Variants in DDHD1 observed in about 807,000 individuals in gnomAD.
DDHD1 encodes phospholipase DDHD1.
A neutral mutation model predicts 96.4 loss-of-function variants in DDHD1; 49 were observed. The observed-to-expected ratio is 0.51, with a 90% CI of 0.40 to 0.64. The LOEUF is 0.64. DDHD1 is among the 30% of genes least tolerant of loss of function. The pLI is 0.00. For missense variants in DDHD1, 1,106 were observed against 1,161.2 expected (o/e 0.95, Z 0.69); for synonymous variants, 442 against 446.5 (o/e 0.99, Z 0.13).
At chr14:53,096,745 C>A (rs142050161) in intron 2 of DDHD1, among the ~76,000 whole-genome samples, 1 of 151,832 alleles carries the variant, frequency 6.6e-6, no homozygotes, top group East Asian at 1.9e-4. Flanking sequence ...AAAAAAAATT[C>A]TTTTCTCAAC....
At chr14:53,065,663 A>G (rs1883954775) in intron 6 of DDHD1, among the ~76,000 whole-genome samples, 1 of 152,228 alleles carries the variant, frequency 6.6e-6, no homozygotes, top group South Asian at 2.1e-4. Flanking sequence ...TCCCATGAGC[A>G]TGTAAGAATC....
At chr14:53,062,641 A>C (rs924382584) in intron 7 of DDHD1, among the ~76,000 whole-genome samples, 1 of 152,192 alleles carries the variant, frequency 6.6e-6, no homozygotes, top group Non-Finnish European at 1.5e-5. Flanking sequence ...CATTTTCAAT[A>C]AGGATTCTAT....
chr14:53,072,811 C>T, intron 5 of DDHD1, 108 bp from the exon 6 acceptor site: 1 of 548,260 alleles, frequency 1.8e-6, no homozygotes. Flanking sequence ...TTTAAGTTAA[C>T]ATTTAAATAT....
chr14:53,093,444 G>A lies in DDHD1; in HGVS notation c.1013C>T (p.Ala338Val), dbSNP rs767815843. 1.0e-5 allele frequency: 16 copies of A among 1,605,618 alleles called. No individual in the cohort carries two copies. The highest frequency in any genetic ancestry group is 3.4e-5 in the Admixed American group (2 of 58,302). The part of the protein sequence containing the change: ...EVSKSIDGKD[A>V]VHSFKLSRNH... ...TCGACTCAACTTGAAACTATGAACA[G>A]CTATTGCAAAAAGGAAAAGCTAATT... Residue 338 changes from alanine (A) to valine (V), a missense_variant and splice_region_variant, in exon 3 of 13, where the codon GCT becomes GTT. Ala to Val is a moderately conservative substitution (Grantham distance 64). Coordinates refer to ENST00000673822, the MANE Select transcript of DDHD1 (RefSeq NM_001160148.2).
At chr14:53,110,267 C>G (rs916995670) in intron 1 of DDHD1, among the ~76,000 whole-genome samples, 14 of 152,196 alleles carry the variant, frequency 9.2e-5, no homozygotes, top group Non-Finnish European at 2.1e-4. Flanking sequence ...TTTCAGAAGC[C>G]TCCTACGTAA....
chr14:53,139,927 A>G (rs1890528480), intron 1 of DDHD1, among the ~76,000 whole-genome samples: 1 of 151,886 alleles, frequency 6.6e-6, no homozygotes, highest in African/African-American at 2.4e-5. Flanking sequence ...AATAATTATG[A>G]TTAATATACT....
chr14:53,068,056 A>C (rs1884190061), intron 6 of DDHD1, among the ~76,000 whole-genome samples: 1 of 152,044 alleles, frequency 6.6e-6, no homozygotes, highest in Admixed American at 6.6e-5. Context: ...ATTTATTTTG[A>C]TATAATATTT....
At chr14:53,051,769 T>G in intron 12 of DDHD1, 75 bp downstream of exon 12, 1 of 1,245,128 alleles carries the variant, frequency 8.0e-7, no homozygotes, top group Non-Finnish European at 1.1e-6. Flanking sequence ...CTGATCCAAT[T>G]TTTCAATAAG....
chr14:53,105,781 AAT>A (rs1275086390), intron 1 of DDHD1, among the ~76,000 whole-genome samples: 2 of 152,190 alleles, frequency 1.3e-5, no homozygotes, highest in Non-Finnish European at 2.9e-5. Context: ...TATGTTTACT[AAT>A]ATGATTGACA....
chr14:53,117,929 G>A (rs889239504), intron 1 of DDHD1, among the ~76,000 whole-genome samples: 5 of 152,136 alleles, frequency 3.3e-5, no homozygotes, highest in African/African-American at 9.7e-5. Flanking sequence ...TCAAACAGGC[G>A]GGTGCCCCTC....
intron 1 of DDHD1, among the ~76,000 whole-genome samples, chr14:53,104,679 A>G (rs1887555844): frequency 6.6e-6 from 1 of 152,178 alleles, no homozygotes; most frequent in Non-Finnish European, 1.5e-5. Context: ...CTATTCCTAG[A>G]AACCCAAGAC....
rs142917505 is a variant in DDHD1, at chr14:53,067,658, C to T, written c.1504-4453G>A. Among the ~76,000 whole-genome samples the T allele has an allele frequency of 5.7e-4, 86 of 152,036 alleles. 5 individuals carry two copies. The East Asian group carries it at 0.016, about 28-fold the overall frequency. ...TTTTAGTAGAGACAGAGTTTCTCCA[C>T]GTTGGTTAGGCTGCTCTCAAACTCC... On this transcript the variant is annotated intron_variant, in intron 6 of 12. Coordinates refer to ENST00000673822, the MANE Select transcript of DDHD1 (RefSeq NM_001160148.2).
At chr14:53,055,458 T>C (rs1366413507) in intron 10 of DDHD1, among the ~76,000 whole-genome samples, 1 of 152,218 alleles carries the variant, frequency 6.6e-6, no homozygotes, top group Non-Finnish European at 1.5e-5. Flanking sequence ...CTATCTTATA[T>C]TCTAAAACTA....
At chr14:53,143,348 T>C (rs902729539) in intron 1 of DDHD1, among the ~76,000 whole-genome samples, 1 of 152,228 alleles carries the variant, frequency 6.6e-6, no homozygotes, top group African/African-American at 2.4e-5. Flanking sequence ...CCATGTTTGT[T>C]AGAAATGCTT....
intron 1 of DDHD1, among the ~76,000 whole-genome samples, chr14:53,116,913 A>G (rs914379901): frequency 6.6e-5 from 10 of 152,198 alleles, no homozygotes; most frequent in Non-Finnish European, 5.9e-5. Context: ...CAAAAAATCA[A>G]TGAATCCAGG....
intron 4 of DDHD1, among the ~76,000 whole-genome samples, chr14:53,079,922 A>G (rs1263454369): frequency 1.3e-5 from 2 of 152,292 alleles, no homozygotes; most frequent in East Asian, 1.9e-4. Context: ...AAGGATAAAT[A>G]CATATGCAAT....
intron 1 of DDHD1, 117 bp downstream of exon 1, chr14:53,152,144 C>CGTATCATTA: frequency 9.3e-7 from 1 of 1,078,254 alleles, no homozygotes; most frequent in African/African-American, 1.6e-5. Flanking sequence ...CTGCCCCAGC[C>CGTATCATTA]AAACGCCAGG....
At chr14:53,086,972 CAAAA>C (rs60569444) in intron 4 of DDHD1, among the ~76,000 whole-genome samples, 2,614 of 52,328 alleles carry the variant, frequency 0.05, 95 homozygotes, top group African/African-American at 0.17. Flanking sequence ...AAATGAAAAG[CAAAA>C]AAAAAAAAAA....
rs1881374692 is a variant in DDHD1, at chr14:53,037,857, T to G, written c.*8911A>C. 1 of 152,196 alleles carries G rather than the reference T, an allele frequency of 6.6e-6. No homozygotes were observed. Among genetic ancestry groups the G allele is most frequent in the African/African-American group, 2.4e-5 (1 of 41,458 alleles). The allele number at this position is 152,196 out of a possible 1,614,324, so 9.4% of individuals were successfully genotyped here. A position where few individuals can be genotyped will look rare whatever the true frequency, so the allele number is the denominator to read the frequency against. On this transcript the variant is annotated 3_prime_UTR_variant, in exon 13 of 13. Transcript: ENST00000673822. ...GTTTTCTTCTAGGATTTTTACAGTT[T>G]GAGGTCTTACATTTAAATCTTTAAT...
Sources: gnomAD v4.1 joint callset for allele counts (sites outside exome capture counted in the v4.1 genomes callset) on GRCh38, gnomAD v4.1.1 for gene constraint, MANE v1.5 for transcripts, NCBI Gene and HGNC (gene_info 2026-07-23, HGNC 2026-07-21) for gene names.